Variants in TNNI3K observed in about 807,000 individuals in gnomAD.
The protein encoded by TNNI3K is serine/threonine-protein kinase TNNI3K.
In TNNI3K, 140 loss-of-function variants were observed where a neutral mutation model predicts 114.5. The observed-to-expected ratio is 1.22, with a 90% CI of 1.07 to 1.41. TNNI3K has a LOEUF of 1.41. Ranked by LOEUF, TNNI3K falls within the 40% of genes most tolerant of loss-of-function variation. The pLI is 0.00. For synonymous variants in TNNI3K, 347 were observed against 347.5 expected, an observed-to-expected ratio of 1.00 and a Z score of 0.02; for missense variants, 1,125 against 1,007.6, an observed-to-expected ratio of 1.12 and a Z score of -1.58.
intron 22 of TNNI3K, 144 bp from the exon 23 acceptor site, chr1:74,491,953 G>T: frequency 7.9e-7 from 1 of 1,266,748 alleles, no homozygotes; most frequent in Non-Finnish European, 1.0e-6. Flanking sequence ...ACTTTTTCCT[G>T]AAAGGAAAAG....
At chr1:74,444,662 C>G (rs530237159) in intron 20 of TNNI3K, among the ~76,000 whole-genome samples, 1 of 152,028 alleles carries the variant, frequency 6.6e-6, no homozygotes, top group East Asian at 1.9e-4. Flanking sequence ...TGACGTTCTT[C>G]ACAGAATTAG....
At chr1:74,534,824 G>C (rs186890845) in intron 23 of TNNI3K, among the ~76,000 whole-genome samples, 1 of 152,270 alleles carries the variant, frequency 6.6e-6, no homozygotes, top group East Asian at 1.9e-4. Flanking sequence ...ATGGGTTTAT[G>C]TGAAAGTGGT....
intron 21 of TNNI3K, among the ~76,000 whole-genome samples, chr1:74,474,732 C>A (rs1249551361): frequency 1.3e-5 from 2 of 152,122 alleles, no homozygotes; most frequent in Non-Finnish European, 2.9e-5. Flanking sequence ...CGGCCAGATT[C>A]ACTTGGCTCC....
intron 1 of TNNI3K, 101 bp from the exon 2 acceptor site, chr1:74,236,001 T>C: frequency 1.3e-6 from 1 of 748,918 alleles, no homozygotes; most frequent in Non-Finnish European, 2.1e-6. Flanking sequence ...TATTGTAGAA[T>C]CTAGAATAAA....
intron 23 of TNNI3K, among the ~76,000 whole-genome samples, chr1:74,533,985 G>C (rs990174000): frequency 6.6e-6 from 1 of 152,194 alleles, no homozygotes; most frequent in African/African-American, 2.4e-5. Flanking sequence ...GTTTCTGCAA[G>C]TCATTCGAAC....
intron 17 of TNNI3K, chr1:74,416,646 A>G (rs191742766): frequency 1.1e-4 from 80 of 749,362 alleles, no homozygotes; most frequent in Non-Finnish European, 2.9e-5. Context: ...TTGAAATTAG[A>G]TACATGAATT....
At chr1:74,286,140 C>T (rs1657321380) in intron 5 of TNNI3K, among the ~76,000 whole-genome samples, 5 of 152,136 alleles carry the variant, frequency 3.3e-5, no homozygotes. Context: ...TTCCTAAAGC[C>T]TATGCAGTTC....
In TNNI3K at chr1:74,489,260, A is replaced by G. The variant is rs1418739198; in HGVS notation, c.2181+12A>G. The stretch of plus-strand genomic sequence containing the variant: ...TCTGCAACATTGAGGTAAAAGCTTT[A>G]GCTTCTGAAATATGTCCATAAAAAA... On this transcript the variant is annotated intron_variant, in intron 22 of 24. Transcript: ENST00000326637. 20 of 1,605,234 alleles carry G rather than the reference A, an allele frequency of 1.2e-5. No homozygotes were observed. The highest frequency in any genetic ancestry group is 1.7e-5 in the Non-Finnish European group (20 of 1,176,966).
chr1:74,448,288 G>T (rs1350886529), intron 20 of TNNI3K, among the ~76,000 whole-genome samples: 124 of 141,926 alleles, frequency 8.7e-4, no homozygotes, highest in Admixed American at 2.3e-3. Context: ...AAAAAAGAAT[G>T]CTTGTGATTT....
At chr1:74,280,515 C>T (rs1305154015) in intron 5 of TNNI3K, among the ~76,000 whole-genome samples, 2 of 152,168 alleles carry the variant, frequency 1.3e-5, no homozygotes, top group Non-Finnish European at 2.9e-5. Flanking sequence ...ATCCATGTGT[C>T]TGGGAGAGAG....
intron 6 of TNNI3K, 141 bp from the exon 7 acceptor site, chr1:74,335,870 T>C: frequency 1.2e-6 from 1 of 808,620 alleles, no homozygotes; most frequent in Non-Finnish European, 1.8e-6. Context: ...AACCCTAGAA[T>C]TGTTCCAGTT....
intron 23 of TNNI3K, among the ~76,000 whole-genome samples, chr1:74,508,346 G>T (rs987453939): frequency 1.3e-5 from 2 of 152,144 alleles, no homozygotes; most frequent in African/African-American, 4.8e-5. Context: ...CCAGATAACA[G>T]GCTATGGTAC....
intron 17 of TNNI3K, among the ~76,000 whole-genome samples, chr1:74,430,823 C>T (rs191645151): frequency 1.3e-4 from 20 of 152,130 alleles, no homozygotes; most frequent in East Asian, 1.2e-3. Context: ...AGTGAAACAC[C>T]GTCATTCAAT....
chr1:74,256,283 CTTTTTTTTTTTTTTT>C (rs61636791), intron 4 of TNNI3K, among the ~76,000 whole-genome samples: 79 of 42,800 alleles, frequency 1.8e-3, no homozygotes, highest in Admixed American at 6.0e-3. Context: ...TGTGGTCAGT[CTTTTTTTTTTTTTTT>C]TTTTTTTTTT....
chr1:74,467,178 C>G (rs535530391), intron 21 of TNNI3K, among the ~76,000 whole-genome samples: 1 of 152,204 alleles, frequency 6.6e-6, no homozygotes, highest in East Asian at 1.9e-4. Flanking sequence ...ATTAGGAGAA[C>G]AGATACAAGG....
intron 23 of TNNI3K, among the ~76,000 whole-genome samples, chr1:74,517,202 AG>A (rs974042005): frequency 6.6e-6 from 1 of 152,022 alleles, no homozygotes; most frequent in Admixed American, 6.6e-5. Context: ...TTAAAAAAAA[AG>A]GTTAATAACA....
intron 20 of TNNI3K, among the ~76,000 whole-genome samples, chr1:74,445,106 T>C (rs1456174537): frequency 1.3e-5 from 2 of 151,860 alleles, no homozygotes; most frequent in Non-Finnish European, 2.9e-5. Flanking sequence ...GGCAAGACCA[T>C]TCAGGACATA....
At chr1:74,286,791 A>G (rs1180126389) in intron 5 of TNNI3K, among the ~76,000 whole-genome samples, 19 of 152,150 alleles carry the variant, frequency 1.2e-4, no homozygotes, top group Admixed American at 7.2e-4. Context: ...AGAAGTGTCT[A>G]CTTCAAATGC....
At chr1:74,331,302 C>A in intron 5 of TNNI3K, 148 bp from the exon 6 acceptor site, 1 of 662,230 alleles carries the variant, frequency 1.5e-6, no homozygotes, top group Non-Finnish European at 2.5e-6. Context: ...AAACAGGACA[C>A]TGGAGGTCTT....
Sources: gnomAD v4.1 joint callset for allele counts (sites outside exome capture counted in the v4.1 genomes callset) on GRCh38, gnomAD v4.1.1 for gene constraint, MANE v1.5 for transcripts, NCBI Gene and HGNC (gene_info 2026-07-23, HGNC 2026-07-21) for gene names.